NDUFA1: variants seen among roughly 807,000 people sequenced by gnomAD.
The protein encoded by NDUFA1 is NADH:ubiquinone oxidoreductase subunit A1, also known as NADH dehydrogenase [ubiquinone] 1 alpha subcomplex subunit 1.
For synonymous variants in NDUFA1, 21 were observed against 20.0 expected, an observed-to-expected ratio of 1.05 and a Z score of -0.14; for missense variants, 42 against 56.0, an observed-to-expected ratio of 0.75 and a Z score of 0.80.
chrX:119,873,546 CT>C lies in NDUFA1; in HGVS notation c.192+165del, dbSNP rs67229707. On this transcript the variant is annotated intron_variant, in intron 2 of 2. Coordinates refer to ENST00000371437, the MANE Select transcript of NDUFA1 (RefSeq NM_004541.4). ...TTTACATATTTAATCTTTTATATTT[CT>C]TTTTTTTTTTTAGTTTTTCTTCTGT... Among the ~76,000 whole-genome samples the C allele has an allele frequency of 0.044, 4,463 of 100,705 alleles. 172 individuals are homozygous for C. Among genetic ancestry groups the C allele is most frequent in the African/African-American group, 0.12 (3,271 of 28,067 alleles). The allele number at this position is 100,705 out of a possible 115,157, so 87.5% of individuals were successfully genotyped here. A position where few individuals can be genotyped will look rare whatever the true frequency, so the allele number is the denominator to read the frequency against.
At chrX:119,872,077 G>A (rs1162380155) in intron 1 of NDUFA1, 64 bp downstream of exon 1, 2 of 1,066,544 alleles carry the variant, frequency 1.9e-6, no homozygotes, top group East Asian at 6.0e-5. Flanking sequence ...TGGTGGGCAG[G>A]GAGACCGTCA....
intron 1 of NDUFA1, among the ~76,000 whole-genome samples, chrX:119,872,476 G>A (rs2056417914): frequency 9.1e-6 from 1 of 109,677 alleles, no homozygotes; most frequent in Non-Finnish European, 1.9e-5. Context: ...AATTAGCTGG[G>A]CGTGGTGGCG....
At chrX:119,872,869 T>A (rs1171403203) in intron 1 of NDUFA1, among the ~76,000 whole-genome samples, 1 of 110,198 alleles carries the variant, frequency 9.1e-6, no homozygotes. Context: ...TTTAGGAATT[T>A]ACTGCGAGAT....
At chrX:119,874,558 CT>C (rs201656589) in intron 2 of NDUFA1, among the ~76,000 whole-genome samples, 1 of 109,854 alleles carries the variant, frequency 9.1e-6, no homozygotes. Context: ...GTTTTTCTGT[CT>C]TTTTTTTTGT....
chrX:119,873,027 GACA>G (rs899248204), intron 1 of NDUFA1, among the ~76,000 whole-genome samples: 2 of 100,346 alleles, frequency 2.0e-5, no homozygotes, highest in African/African-American at 3.7e-5. Context: ...TGTCCCAAAA[GACA>G]ACAACTAGAT....
At chrX:119,872,662 C>G (rs776362137) in intron 1 of NDUFA1, among the ~76,000 whole-genome samples, 207 of 107,100 alleles carry the variant, frequency 1.9e-3, no homozygotes, top group African/African-American at 6.6e-3. Flanking sequence ...TTCAGCCTCC[C>G]GAGTAGCCGG....
intron 1 of NDUFA1, 44 bp from the exon 2 acceptor site, chrX:119,873,260 A>T: frequency 9.8e-7 from 1 of 1,023,231 alleles, no homozygotes; most frequent in East Asian, 3.0e-5. Flanking sequence ...CAATTGGGTC[A>T]CTCACTTTTA....
At position 119,871,848 on chromosome X, in the gene NDUFA1, G is replaced by A; in HGVS notation, c.-64G>A. On this transcript the variant is annotated 5_prime_UTR_variant, in exon 1 of 3. Transcript: ENST00000371437. ...GGCCGCGGGGCTTGCTGGGAAGAGA[G>A]GCGAAGCCAGGTCACCTTTCAAGGA... The A allele has an allele frequency of 1.7e-6, 2 of 1,151,807 alleles. No homozygotes were observed. The highest frequency in any genetic ancestry group is 2.4e-6 in the Non-Finnish European group (2 of 840,264). 94.9% of individuals were successfully genotyped at this position (1,151,807 alleles called of 1,213,427 possible).
rs61235666 is a variant in NDUFA1, at chrX:119,875,317, CTTTTTTTT to C, written c.193-1179_193-1172del. 7.4e-3 allele frequency among the ~76,000 whole-genome samples: 439 copies of C among 59,634 alleles called. 3 individuals carry two copies. The highest frequency in any genetic ancestry group is 0.031 in the African/African-American group (413 of 13,511). The allele number at this position is 59,634 out of a possible 115,157, so 51.8% of individuals were successfully genotyped here. On this transcript the variant is annotated intron_variant, in intron 2 of 2. Transcript: ENST00000371437. ...AGAAGAAGTGTCATCACTGATGAGT[CTTTTTTTT>C]TTTTTTTTTTTTTTTTTGAGACGGA...
intron 2 of NDUFA1, among the ~76,000 whole-genome samples, chrX:119,875,645 T>C (rs2056434398): frequency 9.0e-6 from 1 of 110,732 alleles, no homozygotes; most frequent in African/African-American, 3.3e-5. Flanking sequence ...AGTATTTGGT[T>C]GTCAACTTAG....
chrX:119,876,134 G>A (rs988543323), intron 2 of NDUFA1, among the ~76,000 whole-genome samples: 3 of 107,316 alleles, frequency 2.8e-5, no homozygotes, highest in Admixed American at 2.0e-4. Context: ...GAACCTGGGA[G>A]ATGCAGGTTG....
At chrX:119,873,418 C>T in intron 2 of NDUFA1, 25 bp downstream of exon 2, 1 of 1,167,390 alleles carries the variant, frequency 8.6e-7, no homozygotes, top group Non-Finnish European at 1.2e-6. Flanking sequence ...TGATGCCAGC[C>T]TTTTGCCAGG....
At chrX:119,872,743 C>A (rs1457984275) in intron 1 of NDUFA1, among the ~76,000 whole-genome samples, 4 of 98,676 alleles carry the variant, frequency 4.1e-5, no homozygotes, top group African/African-American at 1.5e-4. Context: ...TGGTCTCGAA[C>A]TTCTGACCTC....
chrX:119,872,402 G>A (rs2056417288), intron 1 of NDUFA1, among the ~76,000 whole-genome samples: 1 of 110,351 alleles, frequency 9.1e-6, no homozygotes, highest in African/African-American at 3.3e-5. Context: ...CGGATCACCT[G>A]AGGTCGGGAG....
intron 2 of NDUFA1, 77 bp from the exon 3 acceptor site, chrX:119,876,437 C>G: frequency 9.7e-7 from 1 of 1,028,318 alleles, no homozygotes. Flanking sequence ...CATTTAATGA[C>G]ACTGGAAATA....
chrX:119,876,638 C>A lies in NDUFA1; in HGVS notation c.*104C>A. On this transcript the variant is annotated 3_prime_UTR_variant, in exon 3 of 3. Coordinates refer to ENST00000371437, the MANE Select transcript of NDUFA1 (RefSeq NM_004541.4). ...GTAGCATGCAATGTGTTATGTAGTG[C>A]TTAATAAAAATAAAATGAAAAAAAT... is the stretch of plus-strand genomic sequence containing the variant. The A allele has an allele frequency of 4.2e-6, 3 of 718,540 alleles. No homozygotes were observed. The highest frequency in any genetic ancestry group is 2.9e-5 in the Admixed American group (1 of 34,469). 59.2% of individuals were successfully genotyped at this position (718,540 alleles called of 1,213,427 possible). A position where few individuals can be genotyped will look rare whatever the true frequency, so the allele number is the denominator to read the frequency against.
At chrX:119,872,187 C>G (rs1328631277) in intron 1 of NDUFA1, among the ~76,000 whole-genome samples, 174 bp downstream of exon 1, 1 of 112,463 alleles carries the variant, frequency 8.9e-6, no homozygotes, top group Non-Finnish European at 1.9e-5. Flanking sequence ...ACATCCTGCT[C>G]TAGTGAAAAA....
intron 2 of NDUFA1, among the ~76,000 whole-genome samples, chrX:119,874,765 G>A (rs975415503): frequency 1.8e-5 from 2 of 110,932 alleles, no homozygotes; most frequent in African/African-American, 6.6e-5. Flanking sequence ...GTTTCACCAT[G>A]TTGGCCAGGC....
chrX:119,875,395 G>C (rs751178365), intron 2 of NDUFA1, among the ~76,000 whole-genome samples: 1 of 99,234 alleles, frequency 1.0e-5, no homozygotes, highest in South Asian at 5.0e-4. Context: ...AATGATCTTG[G>C]CTCACTGCAA....
Sources: gnomAD v4.1 joint callset for allele counts (sites outside exome capture counted in the v4.1 genomes callset) on GRCh38, gnomAD v4.1.1 for gene constraint, MANE v1.5 for transcripts, NCBI Gene and HGNC (gene_info 2026-07-23, HGNC 2026-07-21) for gene names.